The following LAMA1 variants were observed in gnomAD, a reference collection of about 807,000 sequenced individuals.
LAMA1 encodes the protein laminin subunit alpha 1.
In LAMA1, 219 loss-of-function variants were observed where a neutral mutation model predicts 348.7. The observed-to-expected ratio is 0.63, with a 90% confidence interval of 0.56 to 0.70. The LOEUF (loss-of-function observed/expected upper bound fraction) is 0.70. LAMA1 is among the 30% of genes least tolerant of loss of function. The pLI is 0.00. For missense variants in LAMA1, 3,744 were observed against 3,888.0 expected, an observed-to-expected ratio of 0.96 and a Z score of 0.99; for synonymous variants, 1,487 against 1,491.0, an observed-to-expected ratio of 1.00 and a Z score of 0.06.
chr18:7,001,485 C>T (rs1399684589), intron 30 of LAMA1, among the ~76,000 whole-genome samples: 5 of 151,994 alleles, frequency 3.3e-5, no homozygotes, highest in African/African-American at 9.7e-5. Context: ...TTTTAGGATG[C>T]TTCATAGCTT....
At chr18:7,041,859 A>C (rs2058021857) in intron 9 of LAMA1, among the ~76,000 whole-genome samples, 1 of 151,954 alleles carries the variant, frequency 6.6e-6, no homozygotes, top group Admixed American at 6.6e-5. Context: ...ATGAGTCCTA[A>C]TTTTGCTTTA....
chr18:7,088,026 C>G (rs1054525146), intron 1 of LAMA1, among the ~76,000 whole-genome samples: 7 of 152,110 alleles, frequency 4.6e-5, no homozygotes, highest in Non-Finnish European at 1.0e-4. Context: ...CTCTGTTTCT[C>G]TTAAGTTTTA....
At chr18:6,990,487 C>T (rs1164117778) in intron 36 of LAMA1, among the ~76,000 whole-genome samples, 7 of 152,124 alleles carry the variant, frequency 4.6e-5, no homozygotes, top group African/African-American at 9.7e-5. Context: ...CCAGGGGCAT[C>T]GCCTCCAGGG....
rs1600351830 is a variant in LAMA1 at position 6,961,754 on chromosome 18, G to A, written c.7458C>T (p.Ile2486=). Residue 2486 remains isoleucine (I), a synonymous_variant, in exon 53 of 63, where the codon ATC becomes ATT. Transcript: ENST00000389658. The part of the protein sequence containing the change: ...GVRKGCLLEP[I]RSVSFLKGGY... The stretch of plus-strand genomic sequence containing the variant: ...CGCCTTTCAGGAAGCTAACACTCCG[G>A]ATGGGCTGGACACAGAGGAGATGGA... 1.2e-6 allele frequency: 2 copies of A among 1,614,106 alleles called. No homozygotes were observed. The highest frequency in any genetic ancestry group is 1.7e-6 in the Non-Finnish European group (2 of 1,179,994).
chr18:7,014,120 A>G (rs2057874535), intron 22 of LAMA1, 69 bp from the exon 23 acceptor site: 4 of 1,195,582 alleles, frequency 3.3e-6, no homozygotes, highest in Non-Finnish European at 4.9e-6. Context: ...ACATATTTGA[A>G]TTACAGGAAA....
chr18:6,978,458 T>C lies in LAMA1; in HGVS notation c.6008-80A>G, dbSNP rs1022824210. The stretch of plus-strand genomic sequence containing the variant: ...GAATAAAACGACAACAAATGTAATT[T>C]CGCACAGAAATATATTATTGTCATA... On this transcript the variant is annotated intron_variant, in intron 42 of 62. Coordinates refer to ENST00000389658, the MANE Select transcript of LAMA1 (RefSeq NM_005559.4). 1.0e-5 allele frequency: 13 copies of C among 1,283,500 alleles called. No individual in the cohort carries two copies. The African/African-American group carries it at 1.9e-4, about 19-fold the overall frequency. The allele number at this position is 1,283,500 out of a possible 1,614,324, so 79.5% of individuals were successfully genotyped here. A position where few individuals can be genotyped will look rare whatever the true frequency, so the allele number is the denominator to read the frequency against.
chr18:7,091,177 T>C (rs1401570970), intron 1 of LAMA1, among the ~76,000 whole-genome samples: 2 of 152,234 alleles, frequency 1.3e-5, no homozygotes, highest in Non-Finnish European at 2.9e-5. Context: ...TTTTCTCTTT[T>C]GTTTCCAAGG....
intron 3 of LAMA1, among the ~76,000 whole-genome samples, chr18:7,055,358 C>A (rs572962579): frequency 8.0e-5 from 12 of 150,478 alleles, no homozygotes; most frequent in Non-Finnish European, 1.6e-4. Context: ...GAGGCTGAGG[C>A]CAGAAAATTG....
chr18:7,012,907 C>A, intron 23 of LAMA1, among the ~76,000 whole-genome samples: 1 of 151,310 alleles, frequency 6.6e-6, no homozygotes, highest in East Asian at 2.0e-4. Flanking sequence ...CACCTGTAAT[C>A]CCAGCACTTT....
In LAMA1 at chr18:7,012,035, G is replaced by A. The variant is rs771338059; in HGVS notation, c.3467C>T (p.Ser1156Phe). 3.7e-6 allele frequency: 6 copies of A among 1,610,532 alleles called. No homozygotes were observed. Among genetic ancestry groups the A allele is most frequent in the Non-Finnish European group, 5.1e-6 (6 of 1,178,292 alleles). ...GTCCTCCAGCTCTGAGCAGAGGTGG[G>A]ACAGCCCGGAGCAGAAGCACGGGCT... ...GCSPCFCSGL[S>F]HLCSELEDYV... Residue 1156 changes from serine to phenylalanine, a missense_variant, in exon 24 of 63, where the codon TCC (serine) becomes TTC (phenylalanine). Physicochemically the swap from Ser to Phe is radical, Grantham distance 155. This residue lies in a region of LAMA1 where 1,529 missense variants were observed against 1,689.4 expected (regional missense o/e 0.91). Transcript: ENST00000389658.
intron 57 of LAMA1, chr18:6,953,734 T>C (rs145850451): frequency 5.3e-5 from 8 of 152,350 alleles, no homozygotes; most frequent in African/African-American, 1.9e-4. Context: ...TTAGGGCATC[T>C]GTGTAAAAAT....
chr18:7,047,839 G>A (rs7235102), intron 5 of LAMA1, among the ~76,000 whole-genome samples: 30,680 of 151,690 alleles, frequency 0.2, 9,153 homozygotes, highest in African/African-American at 0.65. Flanking sequence ...AAAAACAAAA[G>A]CAAAAAAAAC....
chr18:7,073,901 C>T (rs2058156271), intron 3 of LAMA1, among the ~76,000 whole-genome samples: 1 of 151,034 alleles, frequency 6.6e-6, no homozygotes, highest in Admixed American at 6.6e-5. Flanking sequence ...GTGGCGTGAT[C>T]TCAGCTCACT....
intron 2 of LAMA1, 57 bp from the exon 3 acceptor site, chr18:7,080,144 A>C: frequency 6.4e-7 from 1 of 1,570,982 alleles, no homozygotes; most frequent in Non-Finnish European, 8.7e-7. Flanking sequence ...TAAATTTCTT[A>C]AGTTCTAAAC....
At chr18:7,073,991 C>A (rs1256180704) in intron 3 of LAMA1, among the ~76,000 whole-genome samples, 2 of 152,150 alleles carry the variant, frequency 1.3e-5, no homozygotes, top group African/African-American at 2.4e-5. Context: ...TTGGCCACCA[C>A]GCCCGGCTAA....
At position 7,038,703 on chromosome 18, in the gene LAMA1, A is replaced by AG; in HGVS notation, c.1563+106dup. The AG allele has an allele frequency of 3.5e-6, 5 of 1,426,964 alleles. No individual in the cohort carries two copies. The South Asian group carries it at 5.7e-5, about 16-fold the overall frequency. 88.4% of individuals were successfully genotyped at this position (1,426,964 alleles called of 1,614,324 possible). ...GTCAGTATCATTGCATAGCGATGAGAGTGGTGTCACGGGAAGTCATCCTCA... is the reference window on the plus strand; with the variant it reads ...GTCAGTATCATTGCATAGCGATGAGAGGTGGTGTCACGGGAAGTCATCCTCA... On this transcript the variant is annotated intron_variant, in intron 11 of 62. Coordinates refer to ENST00000389658, the MANE Select transcript of LAMA1 (RefSeq NM_005559.4).
chr18:6,952,360 C>A (rs924193996), intron 57 of LAMA1, among the ~76,000 whole-genome samples: 8 of 152,106 alleles, frequency 5.3e-5, no homozygotes, highest in African/African-American at 1.9e-4. Flanking sequence ...GGGAGGCTGA[C>A]CGGATGGTTA....
At chr18:6,959,216 A>T in intron 54 of LAMA1, 125 bp downstream of exon 54, 1 of 1,216,776 alleles carries the variant, frequency 8.2e-7, no homozygotes, top group Non-Finnish European at 1.2e-6. Flanking sequence ...GCAAGGTTCT[A>T]GAATCGTCTG....
At chr18:6,957,112 C>A (rs2057582874) in intron 55 of LAMA1, 1 of 349,466 alleles carries the variant, frequency 2.9e-6, no homozygotes. Flanking sequence ...TTCCCAAGCG[C>A]TGCACAGTGA....
Sources: gnomAD v4.1 joint callset for allele counts (sites outside exome capture counted in the v4.1 genomes callset) on GRCh38, gnomAD v4.1.1 for gene constraint, gnomAD v4.1.1 regional missense constraint, MANE v1.5 for transcripts, NCBI Gene and HGNC (gene_info 2026-07-23, HGNC 2026-07-21) for gene names.